The following TAMM41 variants were observed in gnomAD, a reference collection of about 807,000 sequenced individuals.
TAMM41 encodes TAM41 mitochondrial translocator assembly and maintenance homolog.
In TAMM41, 36 loss-of-function variants were observed where a neutral mutation model predicts 44.1. The ratio of observed to expected loss-of-function variants is 0.82; its 90% CI spans 0.63 to 1.08. The LOEUF is 1.08. TAMM41 is among the 50% of genes least tolerant of loss of function. TAMM41 has a pLI of 0.00. For synonymous variants in TAMM41, 164 were observed against 153.1 expected (o/e 1.07, Z -0.53); for missense variants, 417 against 404.3 (o/e 1.03, Z -0.27).
At chr3:11,837,097 G>T (rs985268085) in intron 3 of TAMM41, among the ~76,000 whole-genome samples, 1 of 152,212 alleles carries the variant, frequency 6.6e-6, no homozygotes, top group African/African-American at 2.4e-5. Context: ...GAAATTGTAA[G>T]CCCAGGTGCA....
chr3:11,772,322 C>T, the TAMM41 span, among the ~76,000 whole-genome samples: 1 of 150,666 alleles, frequency 6.6e-6, no homozygotes, highest in African/African-American at 2.4e-5. Flanking sequence ...ACCTCGTGAT[C>T]CGCCCTCCTT....
In TAMM41 at chr3:11,807,234, C is replaced by T. The variant is rs1357398942; in HGVS notation, c.937+599G>A. On this transcript the variant is annotated intron_variant, in intron 7 of 7. Coordinates refer to ENST00000455809, the MANE Select transcript of TAMM41 (RefSeq NM_001284401.2). Reference sequence around the variant, plus strand: ...AGGTGTACTCTGTGGCTCACCATACCATCAAACTGAAAACTAATTAGCCAA... The same window carrying T: ...AGGTGTACTCTGTGGCTCACCATACTATCAAACTGAAAACTAATTAGCCAA... 7 of 1,430,866 alleles carry T rather than the reference C, an allele frequency of 4.9e-6. No individual in the cohort carries two copies. The Admixed American group carries it at 2.1e-4, about 42-fold the overall frequency. The allele number at this position is 1,430,866 out of a possible 1,614,324, so 88.6% of individuals were successfully genotyped here.
chr3:11,808,513 C>T (rs994516439), intron 6 of TAMM41: 2 of 985,852 alleles, frequency 2.0e-6, no homozygotes, highest in African/African-American at 1.7e-5. Context: ...TCATCCACTG[C>T]AGTGCGATGG....
chr3:11,829,728 C>A lies in TAMM41; in HGVS notation c.548G>T (p.Gly183Val). ...ACCATACTAACCTGAATAGGAGAGA[C>A]CGGCAATCTCTATGAAGAGGTCTTC... ...SEEDLFIEIA[G>V]LSYSGDFRMV... is the part of the protein sequence containing the mutation. The change falls in exon 4 of 8, where the codon GGT becomes GTT. Residue 183 changes from glycine to valine, a missense_variant. Transcript: ENST00000455809. 1 of 1,614,114 alleles carries A rather than the reference C, an allele frequency of 6.2e-7. No homozygotes were observed. Among genetic ancestry groups the A allele is most frequent in the Non-Finnish European group, 8.5e-7 (1 of 1,180,024 alleles).
chr3:11,759,020 T>C, the TAMM41 span, among the ~76,000 whole-genome samples: 1 of 152,198 alleles, frequency 6.6e-6, no homozygotes, highest in Non-Finnish European at 1.5e-5. Context: ...CCAAATCCCA[T>C]TAATTATTGC....
At chr3:11,831,939 A>T (rs2078998023) in intron 3 of TAMM41, among the ~76,000 whole-genome samples, 1 of 152,162 alleles carries the variant, frequency 6.6e-6, no homozygotes. Context: ...CACTTAGGTG[A>T]GTTTAGTATT....
At chr3:11,806,638 T>A (rs1214721922) in intron 7 of TAMM41, among the ~76,000 whole-genome samples, 27 of 151,068 alleles carry the variant, frequency 1.8e-4, no homozygotes, top group Non-Finnish European at 1.5e-5. Flanking sequence ...ATAAAAGGAG[T>A]TCCAGAAAGA....
intron 3 of TAMM41, among the ~76,000 whole-genome samples, chr3:11,835,536 C>T (rs1410539843): frequency 6.6e-6 from 1 of 152,138 alleles, no homozygotes; most frequent in Non-Finnish European, 1.5e-5. Context: ...TCTTGAATTG[C>T]TGTTTTTGTT....
chr3:11,845,755 A>T (rs1425665658), intron 1 of TAMM41, among the ~76,000 whole-genome samples: 2 of 152,170 alleles, frequency 1.3e-5, no homozygotes, highest in Non-Finnish European at 2.9e-5. Flanking sequence ...AGGTATCCAG[A>T]CGCAGGGGGC....
chr3:11,753,693 C>T, the TAMM41 span, among the ~76,000 whole-genome samples: 30 of 151,838 alleles, frequency 2.0e-4, no homozygotes, highest in East Asian at 9.7e-4. Context: ...GCTGAGGTTG[C>T]GCCACTGCAC....
chr3:11,841,647 A>G (rs920851515), intron 2 of TAMM41, among the ~76,000 whole-genome samples: 3 of 152,214 alleles, frequency 2.0e-5, no homozygotes, highest in African/African-American at 7.2e-5. Context: ...GTTTGGCATA[A>G]TATTAACTGT....
intron 6 of TAMM41, 130 bp from the exon 7 acceptor site, chr3:11,808,025 C>T: frequency 7.0e-7 from 1 of 1,424,146 alleles, no homozygotes; most frequent in East Asian, 2.5e-5. Flanking sequence ...TATCTCTGTC[C>T]TGCTGTCACA....
chr3:11,733,351 G>C, the TAMM41 span, among the ~76,000 whole-genome samples: 3 of 152,154 alleles, frequency 2.0e-5, no homozygotes, highest in African/African-American at 7.2e-5. Context: ...ATAGACTGTC[G>C]GTGGGGCACA....
intron 4 of TAMM41, among the ~76,000 whole-genome samples, chr3:11,818,794 G>C (rs71624915): frequency 6.6e-6 from 1 of 150,858 alleles, no homozygotes; most frequent in East Asian, 2.0e-4. Context: ...GCTACTTGGG[G>C]GGGGGCCGCA....
At chr3:11,790,420 TG>T, downstream of TAMM41, 1 of 1,239,226 alleles carries the variant, frequency 8.1e-7, no homozygotes, top group East Asian at 2.3e-5. Flanking sequence ...ATTCAAGCAA[TG>T]GGTCAAAGTA....
the TAMM41 span, among the ~76,000 whole-genome samples, chr3:11,742,768 T>A: frequency 7.1e-6 from 1 of 140,112 alleles, no homozygotes; most frequent in Non-Finnish European, 1.5e-5. Context: ...AACAATTTTT[T>A]TTTTTTGGTA....
At chr3:11,839,600 C>T (rs547230029) in intron 2 of TAMM41, among the ~76,000 whole-genome samples, 2 of 152,218 alleles carry the variant, frequency 1.3e-5, no homozygotes, top group Non-Finnish European at 2.9e-5. Context: ...TTGCTGCCAG[C>T]CTCACAGGCT....
rs1437225760 is a variant in TAMM41 at position 11,829,694 on chromosome 3, T to C, written c.562+20A>G. The C allele has an allele frequency of 6.2e-7, 1 of 1,613,340 alleles. No individual in the cohort carries two copies. Among genetic ancestry groups the C allele is most frequent in the Non-Finnish European group, 8.5e-7 (1 of 1,179,410 alleles). Reference sequence around the variant, plus strand: ...ATAAATCTCTCCCTTGTAGAACATCTGGGCAGCAACCATACTAACCTGAAT... The same window carrying C: ...ATAAATCTCTCCCTTGTAGAACATCCGGGCAGCAACCATACTAACCTGAAT... On this transcript the variant is annotated intron_variant, in intron 4 of 7. Coordinates refer to ENST00000455809, the MANE Select transcript of TAMM41 (RefSeq NM_001284401.2).
chr3:11,838,424 G>T (rs749651601), intron 3 of TAMM41, among the ~76,000 whole-genome samples: 1 of 152,132 alleles, frequency 6.6e-6, no homozygotes, highest in African/African-American at 2.4e-5. Context: ...CACCACTTTG[G>T]CTAGGCTGGT....
Sources: gnomAD v4.1 joint callset for allele counts (sites outside exome capture counted in the v4.1 genomes callset) on GRCh38, gnomAD v4.1.1 for gene constraint, MANE v1.5 for transcripts, NCBI Gene and HGNC (gene_info 2026-07-23, HGNC 2026-07-21) for gene names.